The following GAREM1 variants were observed in gnomAD, a reference collection of about 807,000 sequenced individuals.
GAREM1 encodes the protein GRB2 associated regulator of MAPK1 subtype 1, also known as GRB2-associated and regulator of MAPK protein 1.
A neutral mutation model predicts 71.3 loss-of-function variants in GAREM1; 26 were observed. The ratio of observed to expected loss-of-function variants is 0.36; its 90% confidence interval spans 0.27 to 0.51. The LOEUF is 0.51. Ranked by LOEUF, GAREM1 falls within the 20% of genes least tolerant of loss-of-function variation. The probability of loss-of-function intolerance (pLI) is 0.95; values close to 1 mark genes in which losing one functional copy is unlikely to be tolerated. For missense variants in GAREM1, 1,026 were observed against 1,103.1 expected (o/e 0.93, Z 0.99); for synonymous variants, 440 against 433.2 (o/e 1.02, Z -0.20).
rs1246271419 is a variant in GAREM1, at chr18:32,393,020, C to T, written c.137G>A (p.Gly46Glu). The change falls in exon 2 of 6, where the codon GGG becomes GAG. Residue 46 changes from glycine to glutamate, a missense_variant. This residue lies in a region of GAREM1 where 172 missense variants were observed against 175.2 expected (regional missense o/e 0.98). Coordinates refer to ENST00000269209, the MANE Select transcript of GAREM1 (RefSeq NM_001242409.2). ...CAGCAGATAGTCATTTTCCCGCAGC[C>T]CTTCTACGCACTCTCCTAGGAAATA... ...ARLDNGECVEGLRENDYLLIH... is the reference protein window; with the variant it reads ...ARLDNGECVEELRENDYLLIH... The T allele has an allele frequency of 1.9e-6, 3 of 1,613,424 alleles. No individual in the cohort carries two copies. The highest frequency in any genetic ancestry group is 2.5e-6 in the Non-Finnish European group (3 of 1,179,744).
intron 2 of GAREM1, among the ~76,000 whole-genome samples, chr18:32,381,867 C>G (rs1300514047): frequency 6.6e-6 from 1 of 152,182 alleles, no homozygotes; most frequent in African/African-American, 2.4e-5. Flanking sequence ...AGGAATGGTG[C>G]CTGGTACTTT....
intron 1 of GAREM1, among the ~76,000 whole-genome samples, chr18:32,438,289 C>G (rs371276764): frequency 1.3e-5 from 2 of 152,236 alleles, no homozygotes; most frequent in Admixed American, 6.5e-5. Flanking sequence ...TGCCAGCCAC[C>G]AGCCCTGTGA....
intron 3 of GAREM1, among the ~76,000 whole-genome samples, chr18:32,301,350 GA>G (rs2047199867): frequency 6.6e-6 from 1 of 152,140 alleles, no homozygotes; most frequent in Non-Finnish European, 1.5e-5. Flanking sequence ...TAAATAATCA[GA>G]AACTACATTA....
Position 32,264,979 on chromosome 18 carries a change from G to C in GAREM1, c.*2892C>G, listed in dbSNP as rs1038424373. On this transcript the variant is annotated 3_prime_UTR_variant, in exon 6 of 6. Coordinates refer to ENST00000269209, the MANE Select transcript of GAREM1 (RefSeq NM_001242409.2). ...AAGTCTTGACCTGGCTGGTTAGAAG[G>C]GTTCTGTGTGTGGATCTCTGGGCAT... 9 of 152,232 alleles carry C rather than the reference G, an allele frequency of 5.9e-5. No individual in the cohort carries two copies. Among genetic ancestry groups the C allele is most frequent in the African/African-American group, 1.7e-4 (7 of 41,454 alleles). 9.4% of individuals were successfully genotyped at this position (152,232 alleles called of 1,614,324 possible). A position where few individuals can be genotyped will look rare whatever the true frequency, so the allele number is the denominator to read the frequency against.
chr18:32,347,006 CAGAATTTGG>C (rs766970926), intron 2 of GAREM1, among the ~76,000 whole-genome samples: 2 of 152,140 alleles, frequency 1.3e-5, no homozygotes, highest in African/African-American at 2.4e-5. Context: ...TGTTTGGAAA[CAGAATTTGG>C]AGAAGTCTGA....
chr18:32,400,193 C>T (rs945165124), intron 1 of GAREM1, among the ~76,000 whole-genome samples: 1 of 152,070 alleles, frequency 6.6e-6, no homozygotes, highest in South Asian at 2.1e-4. Context: ...TAAAGACTTA[C>T]ATGTTAGACC....
intron 1 of GAREM1, among the ~76,000 whole-genome samples, chr18:32,403,211 A>G (rs2048333528): frequency 1.3e-5 from 2 of 151,694 alleles, no homozygotes; most frequent in South Asian, 4.2e-4. Context: ...CCTGGCCTCA[A>G]TCTTTTCATT....
At chr18:32,392,048 C>T (rs964548947) in intron 2 of GAREM1, among the ~76,000 whole-genome samples, 7 of 152,048 alleles carry the variant, frequency 4.6e-5, no homozygotes, top group Admixed American at 3.9e-4. Context: ...AGGGGTTATT[C>T]GAGAACACAA....
Position 32,463,673 on chromosome 18 carries a change from G to A in GAREM1, c.121+6635C>T, listed in dbSNP as rs137887969. 3.9e-4 allele frequency among the ~76,000 whole-genome samples: 59 copies of A among 150,786 alleles called. No individual in the cohort carries two copies. The Middle Eastern group carries it at 0.017, about 43-fold the overall frequency. ...CAAACTCCACCTCCCGGGTTCAAGC[G>A]GTTCTTCTGCCTCAGCCTCCCGAGT... On this transcript the variant is annotated intron_variant, in intron 1 of 5. Transcript: ENST00000269209.
At chr18:32,301,141 C>G (rs982645017) in intron 3 of GAREM1, among the ~76,000 whole-genome samples, 1 of 152,126 alleles carries the variant, frequency 6.6e-6, no homozygotes, top group Admixed American at 6.6e-5. Context: ...TTGCATTAAT[C>G]ATATTAAACT....
intron 2 of GAREM1, among the ~76,000 whole-genome samples, chr18:32,392,036 A>T (rs1162739223): frequency 6.6e-6 from 1 of 152,198 alleles, no homozygotes; most frequent in Non-Finnish European, 1.5e-5. Context: ...TGTGCATTGT[A>T]AAGGGGTTAT....
chr18:32,319,430 G>A (rs2047409518), intron 2 of GAREM1, among the ~76,000 whole-genome samples: 1 of 152,172 alleles, frequency 6.6e-6, no homozygotes, highest in African/African-American at 2.4e-5. Context: ...CCCCATAAAA[G>A]ATATGCAGCA....
At chr18:32,290,583 T>G (rs1306342855) in intron 3 of GAREM1, among the ~76,000 whole-genome samples, 1 of 146,282 alleles carries the variant, frequency 6.8e-6, no homozygotes, top group African/African-American at 2.6e-5. Context: ...AGGCAGAGGT[T>G]GCAATGAGCC....
intron 1 of GAREM1, among the ~76,000 whole-genome samples, chr18:32,394,416 GAAATA>G (rs1444815651): frequency 1.3e-5 from 2 of 151,928 alleles, no homozygotes; most frequent in East Asian, 3.9e-4. Flanking sequence ...AATAAAAAAT[GAAATA>G]AAATAAAAAG....
intron 2 of GAREM1, among the ~76,000 whole-genome samples, chr18:32,357,258 C>G (rs2047815545): frequency 2.0e-5 from 3 of 152,228 alleles, no homozygotes; most frequent in Non-Finnish European, 4.4e-5. Flanking sequence ...AGGAGGATCA[C>G]TTGAGCCCAG....
chr18:32,360,787 T>A (rs1487569195), intron 2 of GAREM1, among the ~76,000 whole-genome samples: 3 of 152,168 alleles, frequency 2.0e-5, no homozygotes, highest in African/African-American at 7.2e-5. Flanking sequence ...TTAATATCTT[T>A]CATTTTCTGC....
At chr18:32,393,180 G>GTTTTTT in intron 1 of GAREM1, 145 bp from the exon 2 acceptor site, 1 of 451,632 alleles carries the variant, frequency 2.2e-6, no homozygotes, top group Non-Finnish European at 3.7e-6. Flanking sequence ...CCTCTGAATT[G>GTTTTTT]TTTTTTTTTT....
chr18:32,434,951 C>T (rs2048660287), intron 1 of GAREM1, among the ~76,000 whole-genome samples: 1 of 152,102 alleles, frequency 6.6e-6, no homozygotes, highest in African/African-American at 2.4e-5. Context: ...GTTAACATCA[C>T]CAGTAATGAG....
intron 3 of GAREM1, among the ~76,000 whole-genome samples, chr18:32,309,675 T>C (rs939503380): frequency 2.4e-5 from 3 of 124,090 alleles, no homozygotes; most frequent in African/African-American, 9.3e-5. Flanking sequence ...CAACAAACAC[T>C]ATATAGCTTT....
Sources: allele counts gnomAD v4.1 joint callset (sites outside exome capture counted in the v4.1 genomes callset), GRCh38; gene constraint gnomAD v4.1.1; regional missense constraint gnomAD v4.1.1; transcripts MANE v1.5; gene names NCBI Gene and HGNC (gene_info 2026-07-23, HGNC 2026-07-21).